Variants in CFAP58 observed in about 807,000 individuals in gnomAD.
The protein encoded by CFAP58 is cilia- and flagella-associated protein 58.
Under a neutral mutation model 119.5 loss-of-function variants are expected in CFAP58, and 88 were observed. That is an observed-to-expected ratio of 0.74 (90% CI 0.62 to 0.88). The LOEUF is 0.88. CFAP58 is among the 40% of genes least tolerant of loss of function. The probability of loss-of-function intolerance (pLI) is 0.00; values close to 1 mark genes in which losing one functional copy is unlikely to be tolerated. For missense variants in CFAP58, 990 were observed against 1,021.2 expected, an observed-to-expected ratio of 0.97 and a Z score of 0.42; for synonymous variants, 365 against 366.3, an observed-to-expected ratio of 1.00 and a Z score of 0.04.
At chr10:104,425,154 TA>T (rs1398029078) in intron 15 of CFAP58, among the ~76,000 whole-genome samples, 22 of 152,002 alleles carry the variant, frequency 1.4e-4, no homozygotes, top group Admixed American at 3.3e-4. Flanking sequence ...AGAAGAAGAG[TA>T]ACTACATATG....
At chr10:104,371,408 A>G (rs909345540) in intron 7 of CFAP58, among the ~76,000 whole-genome samples, 1 of 152,250 alleles carries the variant, frequency 6.6e-6, no homozygotes, top group Non-Finnish European at 1.5e-5. Flanking sequence ...TGAATACGTT[A>G]GAATGAATGT....
Position 104,396,369 on chromosome 10 carries a change from TGAGAGAGA to T in CFAP58, c.1675-2928_1675-2921del, listed in dbSNP as rs57210958. ...GCCATGGATAGGGAGCTGTTATCCA[TGAGAGAGA>T]GAGAGAGAGAGAGAGAGAGAGAGAG... On this transcript the variant is annotated intron_variant, in intron 11 of 17. Coordinates refer to ENST00000369704, the MANE Select transcript of CFAP58 (RefSeq NM_001008723.2). Among the ~76,000 whole-genome samples the T allele has an allele frequency of 1.6e-3, 138 of 86,822 alleles. 1 individual carries two copies. The highest frequency in any genetic ancestry group is 6.6e-3 in the South Asian group (14 of 2,118). The allele number at this position is 86,822 out of a possible 152,430, so 57.0% of individuals were successfully genotyped here.
chr10:104,358,580 G>T lies in CFAP58; in HGVS notation c.249G>T (p.Lys83Asn). 6.2e-7 allele frequency: 1 copy of T among 1,614,106 alleles called. No homozygotes were observed. Among genetic ancestry groups the T allele is most frequent in the Non-Finnish European group, 8.5e-7 (1 of 1,180,006 alleles). ...CTGCGAAGGTCGCCACTGCCCTTAAGCTCTCTCAGGATGATCAGACCACCA... is the reference window on the plus strand; with the variant it reads ...CTGCGAAGGTCGCCACTGCCCTTAATCTCTCTCAGGATGATCAGACCACCA... ...VNSAKVATAL[K>N]LSQDDQTTIA... Residue 83 changes from lysine (K) to asparagine (N), a missense_variant, in exon 2 of 18, where the codon AAG becomes AAT. Physicochemically the swap from Lys to Asn is moderately conservative, Grantham distance 94. Coordinates refer to ENST00000369704, the MANE Select transcript of CFAP58 (RefSeq NM_001008723.2).
At chr10:104,366,257 C>T (rs1397706228) in intron 5 of CFAP58, among the ~76,000 whole-genome samples, 31 of 152,084 alleles carry the variant, frequency 2.0e-4, no homozygotes, top group Non-Finnish European at 2.9e-5. Flanking sequence ...TTGATCTATA[C>T]TACACATATA....
chr10:104,363,508 C>G (rs184358164), intron 3 of CFAP58, among the ~76,000 whole-genome samples: 404 of 152,240 alleles, frequency 2.7e-3, no homozygotes, highest in Non-Finnish European at 4.6e-3. Context: ...GCTTTATCTT[C>G]TTGTTAAGGA....
At position 104,380,313 on chromosome 10, in the gene CFAP58, C is replaced by G; in HGVS notation, c.1365+93C>G. 37 of 1,178,404 alleles carry G rather than the reference C, an allele frequency of 3.1e-5. No homozygotes were observed. The South Asian group carries it at 5.5e-4, about 18-fold the overall frequency. The allele number at this position is 1,178,404 out of a possible 1,614,324, so 73.0% of individuals were successfully genotyped here. A position where few individuals can be genotyped will look rare whatever the true frequency, so the allele number is the denominator to read the frequency against. ...CAAACTGTTGCAAAGAGAATTTATT[C>G]AGATTTCTGTTTGTAATTTGTGTGA... is the stretch of plus-strand genomic sequence containing the variant. On this transcript the variant is annotated intron_variant, in intron 9 of 17. Transcript: ENST00000369704.
intron 15 of CFAP58, among the ~76,000 whole-genome samples, chr10:104,433,152 G>A (rs1181785643): frequency 6.6e-6 from 1 of 152,148 alleles, no homozygotes; most frequent in African/African-American, 2.4e-5. Flanking sequence ...GGAGTGCAGT[G>A]GTAAAATCAT....
intron 9 of CFAP58, 137 bp downstream of exon 9, chr10:104,380,357 G>A (rs1400991847): frequency 1.2e-6 from 1 of 829,114 alleles, no homozygotes; most frequent in East Asian, 2.6e-5. Flanking sequence ...GAGGAACGAT[G>A]TGGACAAAAT....
intron 9 of CFAP58, among the ~76,000 whole-genome samples, chr10:104,381,684 A>G (rs927559715): frequency 3.3e-5 from 5 of 152,116 alleles, no homozygotes; most frequent in Non-Finnish European, 7.4e-5. Context: ...GTATTACAGA[A>G]ATAAAGAAAG....
chr10:104,391,960 G>T (rs1032158194), intron 9 of CFAP58, among the ~76,000 whole-genome samples: 3 of 152,050 alleles, frequency 2.0e-5, no homozygotes, highest in Non-Finnish European at 4.4e-5. Context: ...AGAATTGAAA[G>T]AATTTCTTCT....
chr10:104,357,900 TAC>T (rs201954818), intron 1 of CFAP58, among the ~76,000 whole-genome samples: 15,796 of 100,240 alleles, frequency 0.16, 1,852 homozygotes, highest in Middle Eastern at 0.24. Context: ...AACATATATG[TAC>T]ACATATACAC....
At chr10:104,338,540 A>T in the CFAP58 span, 1 of 152,402 alleles carries the variant, frequency 6.6e-6, no homozygotes, top group Non-Finnish European at 1.5e-5. Context: ...AAGCTCCTTA[A>T]GGAGGACCGT....
the CFAP58 span, among the ~76,000 whole-genome samples, chr10:104,341,514 GA>G: frequency 6.6e-6 from 1 of 151,446 alleles, no homozygotes; most frequent in Non-Finnish European, 1.5e-5. Context: ...ATAATATGTA[GA>G]AATAAAAAGT....
chr10:104,347,536 G>T, the CFAP58 span, among the ~76,000 whole-genome samples: 1 of 151,990 alleles, frequency 6.6e-6, no homozygotes, highest in East Asian at 1.9e-4. Context: ...ACAGTCTGGA[G>T]GAAAAATATT....
Position 104,442,822 on chromosome 10 carries a change from TA to T in CFAP58, c.2257-4869del, listed in dbSNP as rs1000936201. 7.9e-5 allele frequency among the ~76,000 whole-genome samples: 12 copies of T among 152,230 alleles called. 1 individual carries two copies. The East Asian group carries it at 2.3e-3, about 29-fold the overall frequency. On this transcript the variant is annotated intron_variant, in intron 15 of 17. Coordinates refer to ENST00000369704, the MANE Select transcript of CFAP58 (RefSeq NM_001008723.2). ...TCTGAGTTATACACAACATACATAATAAAAAAATATTGCTCGAAGTGATGGA... is the reference window on the plus strand; with the variant it reads ...TCTGAGTTATACACAACATACATAATAAAAAATATTGCTCGAAGTGATGGA...
In CFAP58 at chr10:104,368,476, T is replaced by C. The variant is rs2014780826; in HGVS notation, c.846T>C (p.Ala282=). 1 of 1,614,000 alleles carries C rather than the reference T, an allele frequency of 6.2e-7. No individual in the cohort carries two copies. The highest frequency in any genetic ancestry group is 8.5e-7 in the Non-Finnish European group (1 of 1,179,914). The change falls in exon 6 of 18, where the codon GCT becomes GCC. Residue 282 remains alanine, a synonymous_variant. Transcript: ENST00000369704. ...TCGAGCAATTTCAGATGAGAAATGC[T>C]AAACTTCAGCAAGAGAATGAACAGC... ...KELEQFQMRN[A]KLQQENEQHS...
chr10:104,397,703 C>T (rs2012189527), intron 11 of CFAP58, among the ~76,000 whole-genome samples: 1 of 152,192 alleles, frequency 6.6e-6, no homozygotes, highest in Admixed American at 6.5e-5. Flanking sequence ...TTAATATTAT[C>T]TTGTCATCTC....
At chr10:104,346,247 C>T in the CFAP58 span, among the ~76,000 whole-genome samples, 1 of 152,098 alleles carries the variant, frequency 6.6e-6, no homozygotes, top group African/African-American at 2.4e-5. Context: ...GGGATCTACC[C>T]CCCATGACCC....
chr10:104,403,245 C>G (rs1015950169), intron 13 of CFAP58, among the ~76,000 whole-genome samples: 1 of 152,094 alleles, frequency 6.6e-6, no homozygotes, highest in Non-Finnish European at 1.5e-5. Context: ...ACTGGGAGTT[C>G]CCCTAGAGAA....
Sources: allele counts gnomAD v4.1 joint callset (sites outside exome capture counted in the v4.1 genomes callset), GRCh38; gene constraint gnomAD v4.1.1; transcripts MANE v1.5; gene names NCBI Gene and HGNC (gene_info 2026-07-23, HGNC 2026-07-21).